Variants in NCOA1 observed in about 807,000 individuals in gnomAD.
NCOA1 encodes nuclear receptor coactivator 1, also known as Hin-2 protein.
A neutral mutation model predicts 150.9 loss-of-function variants in NCOA1; 35 were observed. The ratio of observed to expected loss-of-function variants is 0.23; its 90% CI spans 0.18 to 0.31. NCOA1 has a LOEUF of 0.31. Among genes scored for constraint, NCOA1 ranks in the 10% least tolerant of loss-of-function variants. NCOA1 has a pLI of 1.00. For synonymous variants in NCOA1, 590 were observed against 630.0 expected (o/e 0.94, Z 0.95); for missense variants, 1,491 against 1,749.3 (o/e 0.85, Z 2.63).
chr2:24,539,249 C>A (rs1665291048), intron 1 of NCOA1, among the ~76,000 whole-genome samples: 1 of 152,110 alleles, frequency 6.6e-6, no homozygotes, highest in Non-Finnish European at 1.5e-5. Flanking sequence ...CAGGCATGGG[C>A]CACCATGCCT....
intron 3 of NCOA1, among the ~76,000 whole-genome samples, chr2:24,638,057 A>G (rs1441430636): frequency 1.3e-5 from 2 of 151,816 alleles, no homozygotes; most frequent in Non-Finnish European, 2.9e-5. Context: ...ACTAGGACTT[A>G]TTCCTCCTAT....
chr2:24,747,475 A>G (rs1401487482), intron 19 of NCOA1, among the ~76,000 whole-genome samples: 1 of 151,652 alleles, frequency 6.6e-6, no homozygotes, highest in Non-Finnish European at 1.5e-5. Flanking sequence ...AACTACAGGC[A>G]TGTACCACTG....
At chr2:24,569,552 A>ATTTTTTTTTTTTTTTTTTTTTTTT (rs200639064) in intron 2 of NCOA1, among the ~76,000 whole-genome samples, 6 of 93,794 alleles carry the variant, frequency 6.4e-5, no homozygotes, top group African/African-American at 2.4e-4. Flanking sequence ...GGTTTTATTA[A>ATTTTTTTTTTTTTTTTTTTTTTTT]TTTTTTTTTT....
At chr2:24,629,817 CATATATATAT>C (rs57598398) in intron 3 of NCOA1, among the ~76,000 whole-genome samples, 31 of 79,342 alleles carry the variant, frequency 3.9e-4, no homozygotes, top group African/African-American at 1.3e-3. Flanking sequence ...AACATACATA[CATATATATAT>C]ATATATATAT....
At chr2:24,686,035 CTT>C (rs1385069795) in intron 8 of NCOA1, among the ~76,000 whole-genome samples, 1 of 151,964 alleles carries the variant, frequency 6.6e-6, no homozygotes, top group East Asian at 1.9e-4. Context: ...GAGTTTCACT[CTT>C]GTCACCCAGG....
chr2:24,685,986 G>A (rs1672381069), intron 8 of NCOA1, among the ~76,000 whole-genome samples: 1 of 152,044 alleles, frequency 6.6e-6, no homozygotes, highest in Non-Finnish European at 1.5e-5. Context: ...CATTCAGTAG[G>A]ATAGTTCCGT....
intron 1 of NCOA1, among the ~76,000 whole-genome samples, chr2:24,527,372 T>G (rs1339618772): frequency 6.6e-6 from 1 of 152,196 alleles, no homozygotes; most frequent in Non-Finnish European, 1.5e-5. Context: ...TCTGTACATT[T>G]GACTTTTAAA....
At chr2:24,708,203 C>G (rs2148597476) in intron 13 of NCOA1, among the ~76,000 whole-genome samples, 1 of 152,262 alleles carries the variant, frequency 6.6e-6, no homozygotes, top group Non-Finnish European at 1.5e-5. Flanking sequence ...CCTATTGAAT[C>G]TAACTCTCTA....
intron 3 of NCOA1, among the ~76,000 whole-genome samples, chr2:24,619,613 G>T (rs1246397167): frequency 1.3e-5 from 2 of 152,072 alleles, no homozygotes; most frequent in Admixed American, 6.5e-5. Flanking sequence ...CTGACTGGTT[G>T]GTTAACTTGG....
At chr2:24,638,455 G>A (rs780903213) in intron 3 of NCOA1, among the ~76,000 whole-genome samples, 3 of 151,936 alleles carry the variant, frequency 2.0e-5, no homozygotes, top group Non-Finnish European at 4.4e-5. Flanking sequence ...TAGTGCAGAC[G>A]TCTCTTCAAT....
chr2:24,500,643 G>GC (rs1663421166), intron 1 of NCOA1, among the ~76,000 whole-genome samples: 1 of 152,142 alleles, frequency 6.6e-6, no homozygotes, highest in South Asian at 2.1e-4. Context: ...TCACCTTGAG[G>GC]CAGAGGAGTT....
At chr2:24,539,390 G>T (rs189117390) in intron 1 of NCOA1, among the ~76,000 whole-genome samples, 47 of 152,314 alleles carry the variant, frequency 3.1e-4, no homozygotes, top group African/African-American at 7.2e-5. Context: ...AGCATGTTGT[G>T]TATGGCCTCC....
intron 3 of NCOA1, among the ~76,000 whole-genome samples, chr2:24,634,241 A>C (rs1009201719): frequency 6.6e-6 from 1 of 152,216 alleles, no homozygotes; most frequent in Non-Finnish European, 1.5e-5. Context: ...AGGCTTGAGT[A>C]TGGGGACTTT....
At chr2:24,529,062 A>G (rs1010290121) in intron 1 of NCOA1, among the ~76,000 whole-genome samples, 3 of 151,970 alleles carry the variant, frequency 2.0e-5, no homozygotes, top group Admixed American at 2.0e-4. Flanking sequence ...AATTTTTTGT[A>G]TATTTAGTAG....
At chr2:24,608,530 G>A (rs148246977) in intron 3 of NCOA1, among the ~76,000 whole-genome samples, 1 of 151,574 alleles carries the variant, frequency 6.6e-6, no homozygotes, top group East Asian at 1.9e-4. Context: ...TCCTCCCAAA[G>A]TACTGGGATT....
chr2:24,633,069 G>T (rs149578098), intron 3 of NCOA1, among the ~76,000 whole-genome samples: 167 of 152,060 alleles, frequency 1.1e-3, no homozygotes, highest in Non-Finnish European at 1.7e-3. Flanking sequence ...TAGAAAACTT[G>T]ATGTATATGT....
At position 24,675,941 on chromosome 2, in the gene NCOA1, A is replaced by G. The variant is rs370671563; in HGVS notation, c.354+2478A>G. 1.4e-4 allele frequency among the ~76,000 whole-genome samples: 22 copies of G among 152,282 alleles called. No homozygotes were observed. In the South Asian group the frequency reaches 2.1e-3, roughly 14 times the overall value. ...TAAACAAGAGACCCAAATGATTACT[A>G]TATGTACCTGTGAATCACAAAGGTC... On this transcript the variant is annotated intron_variant, in intron 7 of 22. Transcript: ENST00000348332.
intron 17 of NCOA1, among the ~76,000 whole-genome samples, chr2:24,738,158 A>G (rs895527583): frequency 1.3e-5 from 2 of 152,024 alleles, no homozygotes; most frequent in Non-Finnish European, 2.9e-5. Context: ...AAATGACTGA[A>G]GTTAGAATTA....
At chr2:24,577,921 T>A (rs1667055941) in intron 2 of NCOA1, among the ~76,000 whole-genome samples, 1 of 152,182 alleles carries the variant, frequency 6.6e-6, no homozygotes, top group Admixed American at 6.5e-5. Flanking sequence ...CAAATTTAAG[T>A]TAAAATTCAA....
Sources: gnomAD v4.1 joint callset for allele counts (sites outside exome capture counted in the v4.1 genomes callset) on GRCh38, gnomAD v4.1.1 for gene constraint, MANE v1.5 for transcripts, NCBI Gene and HGNC (gene_info 2026-07-23, HGNC 2026-07-21) for gene names.